The following UBE2E1 variants were observed in gnomAD, a reference collection of about 807,000 sequenced individuals.
The protein encoded by UBE2E1 is ubiquitin conjugating enzyme E2 E1.
Under a neutral mutation model 21.4 loss-of-function variants are expected in UBE2E1, and 6 were observed. The ratio of observed to expected loss-of-function variants is 0.28; its 90% confidence interval spans 0.15 to 0.55. The LOEUF is 0.55. Ranked by LOEUF, UBE2E1 falls within the 20% of genes least tolerant of loss-of-function variation. The probability of loss-of-function intolerance (pLI) is 0.93; values close to 1 mark genes in which losing one functional copy is unlikely to be tolerated. For synonymous variants in UBE2E1, 87 were observed against 82.7 expected (o/e 1.05, Z -0.28); for missense variants, 142 against 236.5 (o/e 0.60, Z 2.62).
At chr3:23,835,050 A>C (rs1357148579) in intron 3 of UBE2E1, among the ~76,000 whole-genome samples, 1 of 152,254 alleles carries the variant, frequency 6.6e-6, no homozygotes, top group African/African-American at 2.4e-5. Context: ...ACAATATTTT[A>C]ACATTTTTAG....
chr3:23,832,891 C>T (rs568631345), intron 3 of UBE2E1, among the ~76,000 whole-genome samples: 134 of 151,620 alleles, frequency 8.8e-4, no homozygotes, highest in Non-Finnish European at 1.7e-3. Flanking sequence ...AAAAAATAAT[C>T]CAGGTGTGGT....
At position 23,889,217 on chromosome 3, in the gene UBE2E1, G is replaced by C; in HGVS notation, c.442G>C (p.Val148Leu). The change falls in exon 5 of 6, where the codon GTC becomes CTC. Residue 148 changes from valine to leucine, a missense_variant. Physicochemically the swap from Val to Leu is conservative, Grantham distance 32. This residue lies in a region of UBE2E1 where 87 missense variants were observed against 184.9 expected (regional missense o/e 0.47). Coordinates refer to ENST00000306627, the MANE Select transcript of UBE2E1 (RefSeq NM_003341.5). Reference protein sequence around the residue: ...NWSPALTISKVLLSICSLLTD... With the variant: ...NWSPALTISKLLLSICSLLTD... Reference sequence around the variant, plus strand: ...GAGTCCAGCACTAACCATTTCTAAAGTCCTCCTTTCTATCTGCTCACTTCT... The same window carrying C: ...GAGTCCAGCACTAACCATTTCTAAACTCCTCCTTTCTATCTGCTCACTTCT... The C allele has an allele frequency of 1.9e-6, 3 of 1,613,794 alleles. No individual in the cohort carries two copies. The highest frequency in any genetic ancestry group is 2.5e-6 in the Non-Finnish European group (3 of 1,179,964).
At chr3:23,858,501 G>T (rs753317375) in intron 3 of UBE2E1, among the ~76,000 whole-genome samples, 2 of 151,938 alleles carry the variant, frequency 1.3e-5, no homozygotes, top group Non-Finnish European at 2.9e-5. Context: ...TGTATTTTTT[G>T]TAGAGACAGG....
chr3:23,886,937 C>A (rs965374789), intron 3 of UBE2E1, among the ~76,000 whole-genome samples: 1 of 152,188 alleles, frequency 6.6e-6, no homozygotes. Context: ...TTTATGATAA[C>A]AGCTAACAGG....
At chr3:23,826,233 A>G (rs1463012387) in intron 3 of UBE2E1, among the ~76,000 whole-genome samples, 1 of 152,240 alleles carries the variant, frequency 6.6e-6, no homozygotes, top group East Asian at 1.9e-4. Flanking sequence ...AACTGAAGAC[A>G]TGTTACCAAA....
chr3:23,877,604 C>T (rs1700943243), intron 3 of UBE2E1, among the ~76,000 whole-genome samples: 1 of 152,010 alleles, frequency 6.6e-6, no homozygotes, highest in African/African-American at 2.4e-5. Flanking sequence ...GGGTAGGAGG[C>T]AAAATTACTT....
At chr3:23,860,763 C>A (rs1341123432) in intron 3 of UBE2E1, among the ~76,000 whole-genome samples, 1 of 152,124 alleles carries the variant, frequency 6.6e-6, no homozygotes, top group Non-Finnish European at 1.5e-5. Context: ...TATTTTTTAA[C>A]TTCTTGAAAT....
At chr3:23,834,956 AGCAATGTGAGGAATCACT>A (rs1699947984) in intron 3 of UBE2E1, among the ~76,000 whole-genome samples, 1 of 152,250 alleles carries the variant, frequency 6.6e-6, no homozygotes, top group South Asian at 2.1e-4. Flanking sequence ...ATGCATAAAA[AGCAATGTGAGGAATCACT>A]GCTCAAATTG....
intron 3 of UBE2E1, among the ~76,000 whole-genome samples, chr3:23,883,500 GA>G (rs778059849): frequency 1.2e-4 from 19 of 152,104 alleles, no homozygotes; most frequent in Non-Finnish European, 1.5e-4. Flanking sequence ...GAGAACTTAG[GA>G]AACAAATAAA....
Position 23,810,598 on chromosome 3 carries a change from G to A in UBE2E1, c.153-862G>A. ...AGGCAGGGTCCGGTGCACCTGTGCG[G>A]CCGCGGGCCGGCCACTTGGGGTCTG... is the stretch of plus-strand genomic sequence containing the variant. On this transcript the variant is annotated intron_variant, in intron 2 of 5. Transcript: ENST00000306627. The surrounding 1 kb of genome is among the most constrained non-coding windows in gnomAD (Gnocchi z 5.8). 1 of 1,435,018 alleles carries A rather than the reference G, an allele frequency of 7.0e-7. No homozygotes were observed. The highest frequency in any genetic ancestry group is 9.3e-7 in the Non-Finnish European group (1 of 1,079,030). 88.9% of individuals were successfully genotyped at this position (1,435,018 alleles called of 1,614,324 possible).
chr3:23,848,730 T>A (rs1023845398), intron 3 of UBE2E1, among the ~76,000 whole-genome samples: 1 of 152,024 alleles, frequency 6.6e-6, no homozygotes, highest in Non-Finnish European at 1.5e-5. Context: ...ATAGAGAGAT[T>A]AGGAAAGAAT....
intron 3 of UBE2E1, among the ~76,000 whole-genome samples, chr3:23,820,349 G>A (rs1199624014): frequency 6.6e-6 from 1 of 152,182 alleles, no homozygotes; most frequent in East Asian, 1.9e-4. Context: ...TTTGCTGTAT[G>A]CTAATGGCTC....
chr3:23,871,113 A>G (rs934820181), intron 3 of UBE2E1, among the ~76,000 whole-genome samples: 7 of 152,272 alleles, frequency 4.6e-5, no homozygotes, highest in Non-Finnish European at 7.4e-5. Flanking sequence ...CGATTTCTCA[A>G]TCTTTTCCCC....
chr3:23,817,372 A>C (rs1312815630), intron 3 of UBE2E1, among the ~76,000 whole-genome samples: 1 of 150,066 alleles, frequency 6.7e-6, no homozygotes, highest in African/African-American at 2.5e-5. Context: ...CAGTGAGCCA[A>C]GATTACGCCA....
intron 3 of UBE2E1, among the ~76,000 whole-genome samples, chr3:23,880,153 C>T (rs973290212): frequency 2.0e-5 from 3 of 152,128 alleles, no homozygotes; most frequent in Middle Eastern, 3.4e-3. Context: ...GAGGCTGAGG[C>T]GGGCGGATCA....
chr3:23,857,498 T>C (rs1700468442), intron 3 of UBE2E1, among the ~76,000 whole-genome samples: 1 of 152,194 alleles, frequency 6.6e-6, no homozygotes, highest in African/African-American at 2.4e-5. Flanking sequence ...ACTTTTAAGA[T>C]GTTATTTTCC....
At chr3:23,882,372 G>A (rs1701065858) in intron 3 of UBE2E1, among the ~76,000 whole-genome samples, 1 of 152,170 alleles carries the variant, frequency 6.6e-6, no homozygotes, top group African/African-American at 2.4e-5. Context: ...CAAACCTTTA[G>A]CTAGACACAG....
intron 3 of UBE2E1, among the ~76,000 whole-genome samples, chr3:23,858,602 G>C (rs1257443833): frequency 6.6e-6 from 1 of 152,194 alleles, no homozygotes; most frequent in Admixed American, 6.5e-5. Context: ...TTACAGGAGT[G>C]ACCCACTGCG....
At position 23,879,581 on chromosome 3, in the gene UBE2E1, G is replaced by A. The variant is rs77353705; in HGVS notation, c.204-7986G>A. ...CTCTTCGTAGGTGATCCAGCTATAA[G>A]ACTAACCATCCTTCCCTTCTCTTCA... is the stretch of plus-strand genomic sequence containing the variant. On this transcript the variant is annotated intron_variant, in intron 3 of 5. Coordinates refer to ENST00000306627, the MANE Select transcript of UBE2E1 (RefSeq NM_003341.5). 447 of 263,722 alleles carry A rather than the reference G, an allele frequency of 1.7e-3. 2 individuals carry two copies. The highest frequency in any genetic ancestry group is 9.4e-3 in the African/African-American group (411 of 43,932). 16.3% of individuals were successfully genotyped at this position (263,722 alleles called of 1,614,324 possible). A position where few individuals can be genotyped will look rare whatever the true frequency, so the allele number is the denominator to read the frequency against.
Sources: allele counts gnomAD v4.1 joint callset (sites outside exome capture counted in the v4.1 genomes callset), GRCh38; gene constraint gnomAD v4.1.1; regional missense constraint gnomAD v4.1.1; non-coding constraint Gnocchi (gnomAD v3.1); transcripts MANE v1.5; gene names NCBI Gene and HGNC (gene_info 2026-07-23, HGNC 2026-07-21).